Variants in GALNT1 observed in about 807,000 individuals in gnomAD.
GALNT1 encodes polypeptide N-acetylgalactosaminyltransferase 1.
A neutral mutation model predicts 65.7 loss-of-function variants in GALNT1; 17 were observed. The ratio of observed to expected loss-of-function variants is 0.26; its 90% CI spans 0.18 to 0.39. The LOEUF (loss-of-function observed/expected upper bound fraction) is 0.39. Among genes scored for constraint, GALNT1 ranks in the 10% least tolerant of loss-of-function variants. The probability of loss-of-function intolerance (pLI) is 1.00; values close to 1 mark genes in which losing one functional copy is unlikely to be tolerated. For missense variants in GALNT1, 460 were observed against 672.8 expected (o/e 0.68, Z 3.50); for synonymous variants, 210 against 219.7 (o/e 0.96, Z 0.39).
At chr18:35,610,865 T>C (rs934820586) in intron 1 of GALNT1, among the ~76,000 whole-genome samples, 11 of 152,324 alleles carry the variant, frequency 7.2e-5, no homozygotes, top group Middle Eastern at 3.4e-3. Context: ...TGGCTTCTCA[T>C]AGCTGGATTC....
At chr18:35,641,915 A>C (rs1024060135) in intron 1 of GALNT1, among the ~76,000 whole-genome samples, 1 of 152,196 alleles carries the variant, frequency 6.6e-6, no homozygotes, top group Non-Finnish European at 1.5e-5. Flanking sequence ...AAAAAAAATA[A>C]TATTTTGTAA....
chr18:35,702,889 T>A lies in GALNT1; in HGVS notation c.1300-8T>A. ...CTCCTGATATTTTCATTATTTATTGTCCCATAGATACGAAATGTGGAAACG... is the reference window on the plus strand; with the variant it reads ...CTCCTGATATTTTCATTATTTATTGACCCATAGATACGAAATGTGGAAACG... On this transcript the variant is annotated splice_polypyrimidine_tract_variant and splice_region_variant and intron_variant, in intron 9 of 11. Coordinates refer to ENST00000269195, the MANE Select transcript of GALNT1 (RefSeq NM_020474.4). The A allele has an allele frequency of 1.3e-6, 2 of 1,567,464 alleles. No homozygotes were observed. The highest frequency in any genetic ancestry group is 2.7e-5 in the African/African-American group (2 of 73,462).
At chr18:35,637,180 A>G (rs2047102482) in intron 1 of GALNT1, among the ~76,000 whole-genome samples, 1 of 152,186 alleles carries the variant, frequency 6.6e-6, no homozygotes, top group South Asian at 2.1e-4. Context: ...GAAAGGATGC[A>G]AATTAATAAC....
intron 1 of GALNT1, among the ~76,000 whole-genome samples, chr18:35,652,696 C>G (rs539991989): frequency 6.6e-6 from 1 of 152,218 alleles, no homozygotes; most frequent in South Asian, 2.1e-4. Flanking sequence ...TTTTTTGCCT[C>G]TCCTTTATCT....
intron 1 of GALNT1, among the ~76,000 whole-genome samples, chr18:35,643,158 A>G (rs1261098850): frequency 6.6e-6 from 1 of 152,006 alleles, no homozygotes; most frequent in Non-Finnish European, 1.5e-5. Flanking sequence ...TTCTGTTTGT[A>G]ATGGTTACAT....
chr18:35,710,356 C>A lies in GALNT1; in HGVS notation c.*586C>A, dbSNP rs952344407. On this transcript the variant is annotated 3_prime_UTR_variant, in exon 12 of 12. Transcript: ENST00000269195. ...TTTGTTATAGTATAGTATCAAATTT[C>A]TATATAGATTTTATACCTCAGTGGG... is the stretch of plus-strand genomic sequence containing the variant. 6.6e-6 allele frequency: 1 copy of A among 152,354 alleles called. No individual in the cohort carries two copies. The highest frequency in any genetic ancestry group is 1.5e-5 in the Non-Finnish European group (1 of 67,996). 9.4% of individuals were successfully genotyped at this position (152,354 alleles called of 1,614,324 possible). A position where few individuals can be genotyped will look rare whatever the true frequency, so the allele number is the denominator to read the frequency against.
At chr18:35,696,289 T>C (rs1225743774) in intron 9 of GALNT1, among the ~76,000 whole-genome samples, 1 of 152,216 alleles carries the variant, frequency 6.6e-6, no homozygotes, top group Non-Finnish European at 1.5e-5. Flanking sequence ...CTAGCAACAG[T>C]AATTTAGCCT....
intron 1 of GALNT1, chr18:35,597,653 C>A (rs1026621111): frequency 2.0e-5 from 3 of 152,518 alleles, no homozygotes; most frequent in Non-Finnish European, 4.4e-5. Context: ...CAAACTCAAG[C>A]AATCTGGGCT....
At chr18:35,626,856 G>C (rs983391795) in intron 1 of GALNT1, among the ~76,000 whole-genome samples, 7 of 152,208 alleles carry the variant, frequency 4.6e-5, no homozygotes, top group African/African-American at 1.4e-4. Context: ...GAAAAGTGTA[G>C]TTTCTCCTTC....
intron 3 of GALNT1, among the ~76,000 whole-genome samples, chr18:35,675,384 T>C (rs2047696789): frequency 1.3e-5 from 2 of 152,234 alleles, no homozygotes; most frequent in Admixed American, 1.3e-4. Flanking sequence ...ATTAACCATT[T>C]GATTTAAAAA....
chr18:35,634,447 T>C (rs1325725597), intron 1 of GALNT1, among the ~76,000 whole-genome samples: 1 of 152,302 alleles, frequency 6.6e-6, no homozygotes, highest in South Asian at 2.1e-4. Context: ...GCATCAGTTG[T>C]ACTAACAGCC....
At chr18:35,681,538 A>G (rs2047786275) in intron 4 of GALNT1, among the ~76,000 whole-genome samples, 1 of 152,110 alleles carries the variant, frequency 6.6e-6, no homozygotes, top group Non-Finnish European at 1.5e-5. Context: ...TTTCAAAGAC[A>G]TATGGGACTT....
At chr18:35,698,518 A>C (rs1568035927) in intron 9 of GALNT1, among the ~76,000 whole-genome samples, 2 of 152,126 alleles carry the variant, frequency 1.3e-5, no homozygotes, top group African/African-American at 2.4e-5. Context: ...ATTAAAAGTA[A>C]ATAGAATTTA....
At chr18:35,615,484 TAGAG>T (rs2046772023) in intron 1 of GALNT1, among the ~76,000 whole-genome samples, 1 of 152,296 alleles carries the variant, frequency 6.6e-6, no homozygotes, top group African/African-American at 2.4e-5. Context: ...AATAAAATAT[TAGAG>T]AGTATTTTAG....
intron 7 of GALNT1, among the ~76,000 whole-genome samples, chr18:35,689,788 T>C (rs935515141): frequency 3.9e-5 from 6 of 152,228 alleles, no homozygotes; most frequent in Admixed American, 3.3e-4. Context: ...CCAGTCTACA[T>C]ATAAAGTCTT....
At chr18:35,670,616 G>A (rs988940008) in intron 3 of GALNT1, among the ~76,000 whole-genome samples, 2 of 152,176 alleles carry the variant, frequency 1.3e-5, no homozygotes, top group East Asian at 1.9e-4. Flanking sequence ...TCATAACCAC[G>A]TATACATGTG....
At position 35,703,067 on chromosome 18, in the gene GALNT1, T is replaced by A. The variant is rs568340919; in HGVS notation, c.1398+72T>A. ...TTTACTTTGCCTTTTTTTTATACCA[T>A]GACATCATTCAGGAAATATTTTCCT... On this transcript the variant is annotated intron_variant, in intron 10 of 11. Transcript: ENST00000269195. The A allele has an allele frequency of 1.3e-4, 102 of 811,508 alleles. No individual in the cohort carries two copies. The African/African-American group carries it at 1.3e-3, about 11-fold the overall frequency. The allele number at this position is 811,508 out of a possible 1,614,324, so 50.3% of individuals were successfully genotyped here.
intron 2 of GALNT1, among the ~76,000 whole-genome samples, chr18:35,662,807 T>C (rs1036750849): frequency 2.0e-5 from 3 of 152,208 alleles, no homozygotes; most frequent in African/African-American, 7.2e-5. Context: ...CCTGTTTTTC[T>C]TGGACATTTA....
At chr18:35,659,656 G>A (rs1272995574) in intron 2 of GALNT1, among the ~76,000 whole-genome samples, 1 of 152,124 alleles carries the variant, frequency 6.6e-6, no homozygotes, top group African/African-American at 2.4e-5. Context: ...TGTCAGTACT[G>A]CATTTTCAGA....
Sources: allele counts gnomAD v4.1 joint callset (sites outside exome capture counted in the v4.1 genomes callset), GRCh38; gene constraint gnomAD v4.1.1; transcripts MANE v1.5; gene names NCBI Gene and HGNC (gene_info 2026-07-23, HGNC 2026-07-21).